OR2L13: variants seen among roughly 807,000 people sequenced by gnomAD.
OR2L13 encodes the protein olfactory receptor family 2 subfamily L member 13.
OR2L13 carries 14 observed loss-of-function variants against 15.3 expected under a neutral mutation model. The observed-to-expected ratio is 0.91, with a 90% CI of 0.60 to 1.43. OR2L13 has a LOEUF of 1.43. Ranked by LOEUF, OR2L13 falls within the 40% of genes most tolerant of loss-of-function variation. The probability of loss-of-function intolerance (pLI) is 0.00; values close to 1 mark genes in which losing one functional copy is unlikely to be tolerated. For synonymous variants in OR2L13, 152 were observed against 142.9 expected (o/e 1.06, Z -0.45); for missense variants, 367 against 387.9 (o/e 0.95, Z 0.45).
the OR2L13 span, among the ~76,000 whole-genome samples, chr1:247,971,970 C>G: frequency 6.6e-6 from 1 of 152,188 alleles, no homozygotes; most frequent in African/African-American, 2.4e-5. Flanking sequence ...GGGACTCACT[C>G]AAAACTGTAC....
chr1:248,003,107 C>A, the OR2L13 span: 1 of 1,122,384 alleles, frequency 8.9e-7, no homozygotes, highest in Non-Finnish European at 1.4e-6. Flanking sequence ...TGTCTCCCTT[C>A]CGGATGGATT....
At chr1:248,018,648 T>C in the OR2L13 span, among the ~76,000 whole-genome samples, 7 of 152,342 alleles carry the variant, frequency 4.6e-5, no homozygotes, top group African/African-American at 1.7e-4. Flanking sequence ...AGAGTAAATA[T>C]ACTTAAGATA....
At chr1:248,044,289 A>G in the OR2L13 span, among the ~76,000 whole-genome samples, 2 of 152,230 alleles carry the variant, frequency 1.3e-5, no homozygotes, top group Non-Finnish European at 2.9e-5. Flanking sequence ...CAGACACAAA[A>G]AGAAAAATAC....
the OR2L13 span, chr1:247,966,382 G>T: frequency 3.3e-4 from 505 of 1,544,482 alleles, no homozygotes; most frequent in Non-Finnish European, 4.2e-4. Context: ...AAAACTATCT[G>T]GAAAGATATA....
At chr1:247,998,406 C>T in the OR2L13 span, among the ~76,000 whole-genome samples, 1 of 152,080 alleles carries the variant, frequency 6.6e-6, no homozygotes, top group Non-Finnish European at 1.5e-5. Flanking sequence ...TAGGGGGCAA[C>T]ATTTCCTCAT....
At chr1:248,084,938 A>G in the OR2L13 span, among the ~76,000 whole-genome samples, 2 of 152,176 alleles carry the variant, frequency 1.3e-5, no homozygotes, top group Non-Finnish European at 2.9e-5. Context: ...TCCAAGTACT[A>G]CTTACTCATT....
the OR2L13 span, among the ~76,000 whole-genome samples, chr1:248,058,164 G>C: frequency 3.6e-4 from 55 of 152,184 alleles, no homozygotes; most frequent in Non-Finnish European, 6.5e-4. Flanking sequence ...GCATAGACAT[G>C]GTCTCAGCAG....
chr1:248,044,759 C>T, the OR2L13 span, among the ~76,000 whole-genome samples: 1,685 of 80,130 alleles, frequency 0.021, 161 homozygotes, highest in African/African-American at 0.026. Context: ...GCCGAGATTG[C>T]GCCACTGCAG....
chr1:248,061,436 C>T, the OR2L13 span: 4 of 1,614,110 alleles, frequency 2.5e-6, no homozygotes, highest in Admixed American at 3.3e-5. Context: ...TTCTACTATG[C>T]ACCTTTTGTC....
chr1:248,055,479 G>A, the OR2L13 span, among the ~76,000 whole-genome samples: 3 of 152,054 alleles, frequency 2.0e-5, no homozygotes, highest in South Asian at 4.1e-4. Flanking sequence ...GTGTGGGCTG[G>A]GCATGGTGAC....
chr1:248,003,673 A>G, the OR2L13 span: 1 of 1,612,496 alleles, frequency 6.2e-7, no homozygotes, highest in Non-Finnish European at 8.5e-7. Context: ...GTGATGTCCC[A>G]GCAATGGTGA....
At chr1:247,971,560 T>G in the OR2L13 span, among the ~76,000 whole-genome samples, 1 of 152,242 alleles carries the variant, frequency 6.6e-6, no homozygotes, top group Admixed American at 6.5e-5. Flanking sequence ...GGTTTAACCC[T>G]CATCTAGATA....
At chr1:247,989,731 C>G in the OR2L13 span, among the ~76,000 whole-genome samples, 3 of 152,126 alleles carry the variant, frequency 2.0e-5, no homozygotes, top group African/African-American at 7.2e-5. Context: ...TGTTTTATAA[C>G]TAGTCCCCCT....
the OR2L13 span, among the ~76,000 whole-genome samples, chr1:247,979,744 C>T: frequency 6.6e-5 from 10 of 152,124 alleles, no homozygotes; most frequent in African/African-American, 1.4e-4. Context: ...CTGTTGGTCC[C>T]GCTGGGAGAT....
the OR2L13 span, among the ~76,000 whole-genome samples, chr1:247,944,578 A>G: frequency 6.6e-6 from 1 of 152,104 alleles, no homozygotes; most frequent in African/African-American, 2.4e-5. Flanking sequence ...CTGTTCTTGC[A>G]TTAGTTTGCT....
At chr1:247,999,501 C>A in the OR2L13 span, among the ~76,000 whole-genome samples, 2 of 152,102 alleles carry the variant, frequency 1.3e-5, no homozygotes, top group African/African-American at 4.8e-5. Context: ...AACTTCATAC[C>A]CTTCTCAACA....
chr1:248,027,311 A>C, the OR2L13 span, among the ~76,000 whole-genome samples: 1 of 152,320 alleles, frequency 6.6e-6, no homozygotes, highest in Non-Finnish European at 1.5e-5. Flanking sequence ...AGATGTTATC[A>C]ATGACAATGT....
chr1:248,003,174 G>T, the OR2L13 span: 2 of 1,444,072 alleles, frequency 1.4e-6, no homozygotes, highest in East Asian at 4.6e-5. Flanking sequence ...ATCTTACTGG[G>T]GCTGTTCCCA....
chr1:247,967,861 CTCCTTCTCCTCCTCG>C, the OR2L13 span, among the ~76,000 whole-genome samples: 3 of 151,526 alleles, frequency 2.0e-5, no homozygotes, highest in African/African-American at 7.3e-5. Flanking sequence ...TCTCCTCCTC[CTCCTTCTCCTCCTCG>C]TCCTTCCTTC....
Sources: allele counts gnomAD v4.1 joint callset (sites outside exome capture counted in the v4.1 genomes callset), GRCh38; gene constraint gnomAD v4.1.1; transcripts MANE v1.5; gene names NCBI Gene and HGNC (gene_info 2026-07-23, HGNC 2026-07-21).